The following HECTD4 variants were observed in gnomAD, a reference collection of about 807,000 sequenced individuals.
HECTD4 encodes probable E3 ubiquitin-protein ligase HECTD4.
HECTD4 carries 114 observed loss-of-function variants against 471.5 expected under a neutral mutation model. The ratio of observed to expected loss-of-function variants is 0.24; its 90% confidence interval spans 0.21 to 0.28. The LOEUF (loss-of-function observed/expected upper bound fraction) is 0.28. Ranked by LOEUF, HECTD4 falls within the 10% of genes least tolerant of loss-of-function variation. The probability of loss-of-function intolerance (pLI) is 1.00; values close to 1 mark genes in which losing one functional copy is unlikely to be tolerated. For missense variants in HECTD4, 3,866 were observed against 5,651.5 expected, an observed-to-expected ratio of 0.68 and a Z score of 10.13; for synonymous variants, 2,012 against 2,256.0, an observed-to-expected ratio of 0.89 and a Z score of 3.07.
chr12:112,205,608 T>C (rs1008725083), intron 52 of HECTD4, among the ~76,000 whole-genome samples: 2 of 152,184 alleles, frequency 1.3e-5, no homozygotes, highest in South Asian at 2.1e-4. Context: ...TCTTTTTTTT[T>C]TGAGACAGAG....
chr12:112,235,007 T>C lies in HECTD4; in HGVS notation c.5915+70A>G, dbSNP rs1283382213. 1.3e-5 allele frequency: 18 copies of C among 1,401,528 alleles called. No homozygotes were observed. The highest frequency in any genetic ancestry group is 1.8e-5 in the Non-Finnish European group (18 of 1,028,496). 86.8% of individuals were successfully genotyped at this position (1,401,528 alleles called of 1,614,324 possible). On this transcript the variant is annotated intron_variant, in intron 37 of 75. Coordinates refer to ENST00000682272, the MANE Select transcript of HECTD4 (RefSeq NM_001388303.1). The surrounding 1 kb of genome is among the most constrained non-coding windows in gnomAD (Gnocchi z 5.0). Reference sequence around the variant, plus strand: ...GAGGCAGTCGATACATGTACAGGGCTTACTTAGCACAGTGCCTGTGACATG... The same window carrying C: ...GAGGCAGTCGATACATGTACAGGGCCTACTTAGCACAGTGCCTGTGACATG...
intron 1 of HECTD4, among the ~76,000 whole-genome samples, chr12:112,331,797 T>A (rs2035847882): frequency 6.6e-6 from 1 of 152,308 alleles, no homozygotes; most frequent in African/African-American, 2.4e-5. Flanking sequence ...GAGCCAACAC[T>A]GTTTTCAAAA....
At position 112,266,924 on chromosome 12, in the gene HECTD4, C is replaced by A; in HGVS notation, c.2380G>T (p.Val794Phe). ...ETEINNLLKL[V>F]LTEGERNSGL... ...GGATAATTCTTACCTTCTGTTAAGA[C>A]CAGTTTAAGTAAGTTATTGATTTCA... The change falls in exon 14 of 76, where the codon GTC becomes TTC. Residue 794 changes from valine (V) to phenylalanine (F), a missense_variant. Val to Phe is a conservative substitution (Grantham distance 50). Around this residue, in one of 16 missense-constraint regions of HECTD4, gnomAD observed 525 missense variants for 672.6 expected, o/e 0.78. Coordinates refer to ENST00000682272, the MANE Select transcript of HECTD4 (RefSeq NM_001388303.1). The A allele has an allele frequency of 6.7e-7, 1 of 1,499,958 alleles. No individual in the cohort carries two copies. The highest frequency in any genetic ancestry group is 9.1e-7 in the Non-Finnish European group (1 of 1,098,540). 92.9% of individuals were successfully genotyped at this position (1,499,958 alleles called of 1,614,324 possible).
chr12:112,229,686 G>C lies in HECTD4; in HGVS notation c.6519+12C>G. On this transcript the variant is annotated intron_variant, in intron 41 of 75. Transcript: ENST00000682272. Reference sequence around the variant, plus strand: ...GGGGAAGCAATGATTTGGGGAACATGGTGGTTGGTACCTGAACCTCGGATC... The same window carrying C: ...GGGGAAGCAATGATTTGGGGAACATCGTGGTTGGTACCTGAACCTCGGATC... 1 of 1,602,714 alleles carries C rather than the reference G, an allele frequency of 6.2e-7. No homozygotes were observed. Among genetic ancestry groups the C allele is most frequent in the Non-Finnish European group, 8.5e-7 (1 of 1,172,382 alleles).
chr12:112,232,519 C>T (rs1308534730), intron 38 of HECTD4, among the ~76,000 whole-genome samples: 1 of 152,130 alleles, frequency 6.6e-6, no homozygotes, highest in African/African-American at 2.4e-5. Flanking sequence ...CTCACCTTGA[C>T]AATAAAGGGT....
chr12:112,348,655 G>A (rs980561940), intron 1 of HECTD4, among the ~76,000 whole-genome samples: 31 of 152,092 alleles, frequency 2.0e-4, no homozygotes, highest in African/African-American at 7.5e-4. Flanking sequence ...ACCTCCTTGG[G>A]ATTGCTTGAG....
intron 7 of HECTD4, among the ~76,000 whole-genome samples, chr12:112,294,701 A>G (rs754500479): frequency 3.9e-5 from 6 of 152,108 alleles, no homozygotes; most frequent in Non-Finnish European, 8.8e-5. Flanking sequence ...TTAGCGCTGC[A>G]ACGGCCTCCA....
At chr12:112,298,526 A>G (rs2035093626) in intron 7 of HECTD4, among the ~76,000 whole-genome samples, 1 of 138,248 alleles carries the variant, frequency 7.2e-6, no homozygotes, top group Admixed American at 7.7e-5. Context: ...ACTATGTTGC[A>G]TGTTGCCCAG....
rs943266928 is a variant in HECTD4, at chr12:112,229,685, T to C, written c.6519+13A>G. ...GGGGGAAGCAATGATTTGGGGAACA[T>C]GGTGGTTGGTACCTGAACCTCGGAT... On this transcript the variant is annotated intron_variant, in intron 41 of 75. Coordinates refer to ENST00000682272, the MANE Select transcript of HECTD4 (RefSeq NM_001388303.1). 9 of 1,602,510 alleles carry C rather than the reference T, an allele frequency of 5.6e-6. No homozygotes were observed. In the African/African-American group the frequency reaches 1.1e-4, roughly 19 times the overall value.
At chr12:112,311,416 A>G (rs1356318696) in intron 4 of HECTD4, among the ~76,000 whole-genome samples, 1 of 150,620 alleles carries the variant, frequency 6.6e-6, no homozygotes, top group Non-Finnish European at 1.5e-5. Flanking sequence ...CTTGGGCAAC[A>G]AAGCGAGATC....
intron 7 of HECTD4, among the ~76,000 whole-genome samples, chr12:112,295,942 G>A (rs1249037886): frequency 6.6e-6 from 1 of 152,178 alleles, no homozygotes; most frequent in Non-Finnish European, 1.5e-5. Flanking sequence ...GATTACAGGT[G>A]TGAGCCACTG....
intron 43 of HECTD4, 140 bp downstream of exon 43, chr12:112,227,949 A>T: frequency 1.4e-6 from 1 of 715,920 alleles, no homozygotes; most frequent in Non-Finnish European, 2.2e-6. Flanking sequence ...ACTGTAAAAG[A>T]ATGGTTACTG....
rs865930487 is a variant in HECTD4 at position 112,254,149 on chromosome 12, G to A, written c.3341C>T (p.Ala1114Val). The A allele has an allele frequency of 1.2e-6, 2 of 1,613,576 alleles. No individual in the cohort carries two copies. Among genetic ancestry groups the A allele is most frequent in the African/African-American group, 2.7e-5 (2 of 74,872 alleles). ...QYDYDKLVIY[A>V]GPNTNSRKVA... Reference sequence around the variant, plus strand: ...CTTCCTACTGTTTGTGTTAGGCCCCGCATATATCACCAACTTCAAAACAGA... The same window carrying A: ...CTTCCTACTGTTTGTGTTAGGCCCCACATATATCACCAACTTCAAAACAGA... Residue 1114 changes from alanine (A) to valine (V), a missense_variant, in exon 22 of 76, where the codon GCG (alanine) becomes GTG (valine). Physicochemically the swap from Ala to Val is moderately conservative, Grantham distance 64. Coordinates refer to ENST00000682272, the MANE Select transcript of HECTD4 (RefSeq NM_001388303.1).
Position 112,193,411 on chromosome 12 carries a change from G to A in HECTD4, c.8955+58C>T. On this transcript the variant is annotated intron_variant, in intron 57 of 75. Transcript: ENST00000682272. This position sits in a 1 kb window ranked among gnomAD's most constrained non-coding sequence, Gnocchi z 5.2. ...GGGGAGTCATTTTCAGCAAGCCAGT[G>A]AGACTCCCAGTTAAAAATGGTAACC... is the stretch of plus-strand genomic sequence containing the variant. 1 of 1,490,186 alleles carries A rather than the reference G, an allele frequency of 6.7e-7. No homozygotes were observed. Among genetic ancestry groups the A allele is most frequent in the South Asian group, 1.2e-5 (1 of 82,924 alleles). The allele number at this position is 1,490,186 out of a possible 1,614,324, so 92.3% of individuals were successfully genotyped here.
At chr12:112,257,466 T>G (rs1713174471) in intron 20 of HECTD4, among the ~76,000 whole-genome samples, 1 of 152,236 alleles carries the variant, frequency 6.6e-6, no homozygotes, top group Non-Finnish European at 1.5e-5. Flanking sequence ...ACATACAACT[T>G]GATAAGTTTG....
At position 112,195,070 on chromosome 12, in the gene HECTD4, C is replaced by A. The variant is rs374919744; in HGVS notation, c.8568-4G>T. 1.5e-4 allele frequency: 235 copies of A among 1,588,652 alleles called. No individual in the cohort carries two copies. The highest frequency in any genetic ancestry group is 1.9e-4 in the Non-Finnish European group (218 of 1,168,656). On this transcript the variant is annotated splice_region_variant and splice_polypyrimidine_tract_variant and intron_variant, in intron 55 of 75. Transcript: ENST00000682272. ...AGCCTCGCAGCGCAGCAGCTCCCTG[C>A]AAGGGAAAAGGTGGGTGAGATACTC...
chr12:112,172,628 C>T (rs772389605), intron 67 of HECTD4, 43 bp downstream of exon 67: 57 of 1,589,306 alleles, frequency 3.6e-5, no homozygotes, highest in Admixed American at 1.0e-4. Flanking sequence ...GGGGCATGCC[C>T]GCATCAGGCA....
Position 112,194,650 on chromosome 12 carries a change from G to A in HECTD4, c.8749+235C>T, listed in dbSNP as rs1324129837. 2.6e-5 allele frequency among the ~76,000 whole-genome samples: 4 copies of A among 152,210 alleles called. No homozygotes were observed. Among genetic ancestry groups the A allele is most frequent in the Non-Finnish European group, 4.4e-5 (3 of 68,028 alleles). On this transcript the variant is annotated intron_variant, in intron 56 of 75. Transcript: ENST00000682272. This position sits in a 1 kb window ranked among gnomAD's most constrained non-coding sequence, Gnocchi z 4.6. ...TTAATTTTCCTTGATCCACAATTAC[G>A]TTGGGAAACTTGATGAATGCTTAAC...
In HECTD4 at chr12:112,382,386, G is replaced by T; in HGVS notation, c.-258C>A. The T allele has an allele frequency of 2.9e-6, 1 of 342,300 alleles. No homozygotes were observed. The highest frequency in any genetic ancestry group is 5.1e-6 in the Non-Finnish European group (1 of 194,594). 21.2% of individuals were successfully genotyped at this position (342,300 alleles called of 1,614,324 possible). On this transcript the variant is annotated 5_prime_UTR_variant, in exon 1 of 76. Coordinates refer to ENST00000682272, the MANE Select transcript of HECTD4 (RefSeq NM_001388303.1). Reference sequence around the variant, plus strand: ...CTCAGGAGCAGGATCCGCCTCTGCCGCTCGGCAACCAACTGTCAGTGAGAC... The same window carrying T: ...CTCAGGAGCAGGATCCGCCTCTGCCTCTCGGCAACCAACTGTCAGTGAGAC...
Sources: gnomAD v4.1 joint callset for allele counts (sites outside exome capture counted in the v4.1 genomes callset) on GRCh38, gnomAD v4.1.1 for gene constraint, gnomAD v4.1.1 regional missense constraint, Gnocchi (gnomAD v3.1) non-coding constraint, MANE v1.5 for transcripts, NCBI Gene and HGNC (gene_info 2026-07-23, HGNC 2026-07-21) for gene names.